Variants in RREB1 observed in about 807,000 individuals in gnomAD.
The protein encoded by RREB1 is ras-responsive element-binding protein 1.
In RREB1, 27 loss-of-function variants were observed where a neutral mutation model predicts 117.8. The ratio of observed to expected loss-of-function variants is 0.23; its 90% CI spans 0.17 to 0.32. The LOEUF (loss-of-function observed/expected upper bound fraction) is 0.32, where lower values mean the gene tolerates loss of function less well. Among genes scored for constraint, RREB1 ranks in the 10% least tolerant of loss-of-function variants. The pLI, the probability that RREB1 is intolerant of heterozygous loss-of-function variation, is 1.00. For missense variants in RREB1, 2,577 were observed against 2,378.2 expected, an observed-to-expected ratio of 1.08 and a Z score of -1.74; for synonymous variants, 1,298 against 1,026.7, an observed-to-expected ratio of 1.26 and a Z score of -5.05.
At chr6:7,239,900 G>A (rs1768583490) in intron 10 of RREB1, among the ~76,000 whole-genome samples, 1 of 152,208 alleles carries the variant, frequency 6.6e-6, no homozygotes. Flanking sequence ...GTTCCCCTGT[G>A]GGAGGGACAC....
chr6:7,231,467 C>A lies in RREB1; in HGVS notation c.3368C>A (p.Pro1123Gln). The change falls in exon 10 of 13, where the codon CCA becomes CAA. Residue 1123 changes from proline to glutamine, a missense_variant. Transcript: ENST00000379938. Reference sequence around the variant, plus strand: ...GCCACCCCCGCTGCCACCACCAGCCCAAAAGAGTCTAGTGAGCCTCCCGCT... The same window carrying A: ...GCCACCCCCGCTGCCACCACCAGCCAAAAAGAGTCTAGTGAGCCTCCCGCT... ...TTATPAATTS[P>Q]KESSEPPAPA... 1 of 1,612,918 alleles carries A rather than the reference C, an allele frequency of 6.2e-7. No individual in the cohort carries two copies. The highest frequency in any genetic ancestry group is 1.1e-5 in the South Asian group (1 of 91,054).
At position 7,246,760 on chromosome 6, in the gene RREB1, G is replaced by A. The variant is rs768393826; in HGVS notation, c.4310G>A (p.Gly1437Asp). The A allele has an allele frequency of 1.9e-6, 3 of 1,559,924 alleles. No individual in the cohort carries two copies. The highest frequency in any genetic ancestry group is 1.9e-5 in the Admixed American group (1 of 51,338). ...FKLAEGDGEA[G>D]AGGAASQEQK... Reference sequence around the variant, plus strand: ...CTGGCGGAGGGCGACGGCGAGGCAGGCGCCGGGGGCGCGGCCTCGCAGGAG... The same window carrying A: ...CTGGCGGAGGGCGACGGCGAGGCAGACGCCGGGGGCGCGGCCTCGCAGGAG... The change falls in exon 12 of 13, where the codon GGC becomes GAC. Residue 1437 changes from glycine (G) to aspartate (D), a missense_variant. Transcript: ENST00000379938.
intron 1 of RREB1, among the ~76,000 whole-genome samples, chr6:7,150,348 G>T (rs566802614): frequency 2.6e-5 from 4 of 152,142 alleles, no homozygotes; most frequent in South Asian, 4.1e-4. Flanking sequence ...TTGCTGTAAC[G>T]CATGGTTAAC....
chr6:7,133,369 T>A (rs564003802), intron 1 of RREB1, among the ~76,000 whole-genome samples: 2 of 152,282 alleles, frequency 1.3e-5, no homozygotes, highest in East Asian at 3.9e-4. Flanking sequence ...GTATCAATAA[T>A]CCACCAAGAG....
In RREB1 at chr6:7,140,324, C is replaced by A. The variant is rs1029458951; in HGVS notation, c.-285+32264C>A. The stretch of plus-strand genomic sequence containing the variant: ...TCAAGGCCCTATCAAAGACGTAATG[C>A]AACACTTATCGTGGTGATTCTTAAG... On this transcript the variant is annotated intron_variant, in intron 1 of 12. Transcript: ENST00000379938. Among the ~76,000 whole-genome samples the A allele has an allele frequency of 3.9e-5, 6 of 152,168 alleles. 1 individual carries two copies. Among genetic ancestry groups the A allele is most frequent in the Admixed American group, 3.3e-4 (5 of 15,278 alleles).
At chr6:7,121,913 C>A (rs1489718887) in intron 1 of RREB1, among the ~76,000 whole-genome samples, 2 of 152,178 alleles carry the variant, frequency 1.3e-5, no homozygotes, top group East Asian at 3.9e-4. Flanking sequence ...GACCCTGAGA[C>A]TTCCATCAGG....
rs77872340 is a variant in RREB1 at position 7,131,774 on chromosome 6, T to C, written c.-285+23714T>C. 7.3e-3 allele frequency among the ~76,000 whole-genome samples: 1,119 copies of C among 152,268 alleles called. 9 individuals carry two copies. Among genetic ancestry groups the C allele is most frequent in the African/African-American group, 0.026 (1,074 of 41,552 alleles). On this transcript the variant is annotated intron_variant, in intron 1 of 12. Transcript: ENST00000379938. ...CACACGCCCGGCCAAAGCTGATGGCTTCTATTGGATTTGTTTTCTAATGCT... is the reference window on the plus strand; with the variant it reads ...CACACGCCCGGCCAAAGCTGATGGCCTCTATTGGATTTGTTTTCTAATGCT...
chr6:7,229,463 T>C lies in RREB1; in HGVS notation c.1364T>C (p.Val455Ala). Residue 455 changes from valine (V) to alanine (A), a missense_variant, in exon 10 of 13, where the codon GTG (valine) becomes GCG (alanine). Physicochemically the swap from Val to Ala is moderately conservative, Grantham distance 64. Coordinates refer to ENST00000379938, the MANE Select transcript of RREB1 (RefSeq NM_001003699.4). This position sits in a 1 kb window ranked among gnomAD's most constrained non-coding sequence, Gnocchi z 4.5. ...ATCATCCAGCCTGACAGCAGCATTGTGGTCAAGCCCATCTCTGGCGAGTCG... is the reference window on the plus strand; with the variant it reads ...ATCATCCAGCCTGACAGCAGCATTGCGGTCAAGCCCATCTCTGGCGAGTCG... ...GFIIQPDSSI[V>A]VKPISGESAI... is the part of the protein sequence containing the mutation. The C allele has an allele frequency of 6.2e-7, 1 of 1,614,162 alleles. No homozygotes were observed.
chr6:7,141,787 G>T (rs759529170), intron 1 of RREB1, among the ~76,000 whole-genome samples: 1 of 152,256 alleles, frequency 6.6e-6, no homozygotes. Flanking sequence ...TGGAAGGAGC[G>T]GGGCGTGTGT....
intron 1 of RREB1, among the ~76,000 whole-genome samples, chr6:7,171,588 T>C (rs1232174820): frequency 6.6e-6 from 1 of 152,210 alleles, no homozygotes; most frequent in Non-Finnish European, 1.5e-5. Context: ...ACCTTTGTCT[T>C]TATGGCTGTA....
intron 7 of RREB1, among the ~76,000 whole-genome samples, chr6:7,211,227 C>T (rs1766568098): frequency 6.8e-6 from 1 of 146,350 alleles, no homozygotes; most frequent in Non-Finnish European, 1.5e-5. Flanking sequence ...GCTTCATAAG[C>T]ATTCGGGACT....
intron 1 of RREB1, among the ~76,000 whole-genome samples, chr6:7,136,124 A>G (rs552068890): frequency 4.6e-5 from 7 of 152,338 alleles, no homozygotes; most frequent in African/African-American, 1.4e-4. Context: ...CTGACCTCAC[A>G]CAGGTTTCTG....
chr6:7,223,552 C>T (rs567816833), intron 8 of RREB1, among the ~76,000 whole-genome samples: 1 of 58,592 alleles, frequency 1.7e-5, no homozygotes, highest in Non-Finnish European at 3.1e-5. Flanking sequence ...CAAAACAAAA[C>T]TCTTGTCTCA....
rs532501451 is a variant in RREB1, at chr6:7,160,335, T to A, written c.-284-16320T>A. Among the ~76,000 whole-genome samples, 1,005 of 151,482 alleles carry A rather than the reference T, an allele frequency of 6.6e-3. 15 individuals carry two copies. Among genetic ancestry groups the A allele is most frequent in the African/African-American group, 0.02 (812 of 41,356 alleles). On this transcript the variant is annotated intron_variant, in intron 1 of 12. Transcript: ENST00000379938. ...TTTCAAAAATTATGTTAAGTTTTTT[T>A]AAAAAAAAATAGTGACATCAAATTA...
intron 6 of RREB1, among the ~76,000 whole-genome samples, chr6:7,208,288 G>A (rs1766385211): frequency 6.6e-6 from 1 of 152,300 alleles, no homozygotes; most frequent in South Asian, 2.1e-4. Flanking sequence ...GGGAGGAAAT[G>A]AACAGCTCCA....
chr6:7,244,120 G>A (rs1053770998), intron 11 of RREB1, among the ~76,000 whole-genome samples: 2 of 151,944 alleles, frequency 1.3e-5, no homozygotes, highest in Non-Finnish European at 2.9e-5. Flanking sequence ...AAAATTAGCT[G>A]GGCATGGTGG....
intron 1 of RREB1, among the ~76,000 whole-genome samples, chr6:7,109,511 C>G (rs2113267273): frequency 6.6e-6 from 1 of 152,180 alleles, no homozygotes; most frequent in Admixed American, 6.5e-5. Flanking sequence ...GGCCACCTTT[C>G]TCTCCGGGCG....
Position 7,229,577 on chromosome 6 carries a change from C to T in RREB1, c.1478C>T (p.Pro493Leu), listed in dbSNP as rs1370896518. ...AGTCTTCCGCCCTTCTCCAAGGCCC[C>T]TGCCGCCCCACTGCAGGCGATCTTC... is the stretch of plus-strand genomic sequence containing the variant. ...QISLPPFSKA[P>L]AAPLQAIFKH... is the part of the protein sequence containing the mutation. The change falls in exon 10 of 13, where the codon CCT (proline) becomes CTT (leucine). Residue 493 changes from proline to leucine, a missense_variant. Pro to Leu is a moderately conservative substitution (Grantham distance 98). Transcript: ENST00000379938. The surrounding 1 kb of genome is among the most constrained non-coding windows in gnomAD (Gnocchi z 4.5). 4 of 1,612,144 alleles carry T rather than the reference C, an allele frequency of 2.5e-6. No homozygotes were observed. The highest frequency in any genetic ancestry group is 3.4e-6 in the Non-Finnish European group (4 of 1,178,728).
chr6:7,204,267 C>T (rs1468844646), intron 6 of RREB1, among the ~76,000 whole-genome samples: 1 of 152,172 alleles, frequency 6.6e-6, no homozygotes, highest in Non-Finnish European at 1.5e-5. Flanking sequence ...GGTGGGGCCA[C>T]ACCAGGAATT....
Sources: gnomAD v4.1 joint callset for allele counts (sites outside exome capture counted in the v4.1 genomes callset) on GRCh38, gnomAD v4.1.1 for gene constraint, Gnocchi (gnomAD v3.1) non-coding constraint, MANE v1.5 for transcripts, NCBI Gene and HGNC (gene_info 2026-07-23, HGNC 2026-07-21) for gene names.